The following TTC23 variants were observed in gnomAD, a reference collection of about 807,000 sequenced individuals.
TTC23 encodes the protein tetratricopeptide repeat protein 23.
In TTC23, 58 loss-of-function variants were observed where a neutral mutation model predicts 55.1. That is an observed-to-expected ratio of 1.05 (90% CI 0.85 to 1.31). The LOEUF (loss-of-function observed/expected upper bound fraction) is 1.31. Ranked by LOEUF, TTC23 falls within the 50% of genes most tolerant of loss-of-function variation. TTC23 has a pLI of 0.00. For missense variants in TTC23, 516 were observed against 534.4 expected (o/e 0.97, Z 0.34); for synonymous variants, 203 against 199.9 (o/e 1.02, Z -0.13).
chr15:99,174,688 G>C (rs1289598360), intron 10 of TTC23, among the ~76,000 whole-genome samples: 2 of 152,194 alleles, frequency 1.3e-5, no homozygotes, highest in Admixed American at 1.3e-4. Context: ...CTGGAGGCCG[G>C]CTGGCCCAGA....
At chr15:99,250,577 A>G (rs1198935119), upstream of TTC23, among the ~76,000 whole-genome samples, 1 of 152,216 alleles carries the variant, frequency 6.6e-6, no homozygotes, top group African/African-American at 2.4e-5. Flanking sequence ...AGACACTTTA[A>G]AAAGTGTCTT....
At chr15:99,165,529 G>A (rs1005195596) in intron 10 of TTC23, among the ~76,000 whole-genome samples, 6 of 152,252 alleles carry the variant, frequency 3.9e-5, no homozygotes, top group African/African-American at 1.4e-4. Context: ...CCAGACAGGA[G>A]CAGGAATTGC....
chr15:99,216,450 T>C (rs1029748921), intron 8 of TTC23, among the ~76,000 whole-genome samples: 17 of 151,946 alleles, frequency 1.1e-4, no homozygotes, highest in African/African-American at 3.9e-4. Flanking sequence ...ATAGACAAAA[T>C]TAATAAGCGG....
intron 12 of TTC23, among the ~76,000 whole-genome samples, chr15:99,146,938 G>T (rs8038677): frequency 6.6e-6 from 1 of 152,088 alleles, no homozygotes; most frequent in East Asian, 1.9e-4. Context: ...TTTTTGAGAC[G>T]GAGTCTCGCT....
chr15:99,162,669 C>T (rs1159055898), intron 10 of TTC23, among the ~76,000 whole-genome samples: 1 of 152,168 alleles, frequency 6.6e-6, no homozygotes, highest in East Asian at 1.9e-4. Context: ...TCTAAGGTGA[C>T]CCGTGGCCCT....
At chr15:99,182,492 G>A (rs1310317643) in intron 9 of TTC23, among the ~76,000 whole-genome samples, 8 of 152,190 alleles carry the variant, frequency 5.3e-5, no homozygotes, top group Middle Eastern at 3.4e-3. Flanking sequence ...CTACTGAGTT[G>A]TCTTTTTTAT....
rs111331374 is a variant in TTC23, at chr15:99,139,437, G to A, written c.1144-38C>T. On this transcript the variant is annotated intron_variant, in intron 12 of 13. Coordinates refer to ENST00000394132, the MANE Select transcript of TTC23 (RefSeq NM_001288615.3). ...AAGCAGCTATCATGAGGCTATGGAA[G>A]TGTCGCTGAGAGCAGGAAACTAAGG... 498 of 1,613,682 alleles carry A rather than the reference G, an allele frequency of 3.1e-4. No individual in the cohort carries two copies. The African/African-American group carries it at 5.7e-3, about 19-fold the overall frequency.
rs2067645648 is a variant in TTC23 at position 99,137,046 on chromosome 15, CCA to C, written c.*962_*963del. ...ATAGCACCAGCCTGCAGCCTCATGG[CCA>C]CAGTCTGTGGGACCAGGGGAGGGAG... is the stretch of plus-strand genomic sequence containing the variant. On this transcript the variant is annotated 3_prime_UTR_variant, in exon 14 of 14. Coordinates refer to ENST00000394132, the MANE Select transcript of TTC23 (RefSeq NM_001288615.3). 1.3e-5 allele frequency: 2 copies of C among 152,358 alleles called. No individual in the cohort carries two copies. The highest frequency in any genetic ancestry group is 4.8e-5 in the African/African-American group (2 of 41,446). The allele number at this position is 152,358 out of a possible 1,614,324, so 9.4% of individuals were successfully genotyped here. A position where few individuals can be genotyped will look rare whatever the true frequency, so the allele number is the denominator to read the frequency against.
intron 12 of TTC23, 192 bp from the exon 13 acceptor site, chr15:99,139,591 A>G (rs2067980899): frequency 6.5e-6 from 10 of 1,536,496 alleles, no homozygotes; most frequent in Non-Finnish European, 8.8e-6. Context: ...GCAAAAGTGA[A>G]CAGTTTTAGC....
At chr15:99,238,245 G>A (rs568594239) in intron 3 of TTC23, among the ~76,000 whole-genome samples, 2 of 152,186 alleles carry the variant, frequency 1.3e-5, no homozygotes, top group East Asian at 1.9e-4. Flanking sequence ...CTGGATTACA[G>A]GCATGAGCCA....
intron 13 of TTC23, among the ~76,000 whole-genome samples, chr15:99,138,942 G>C (rs2067881418): frequency 6.6e-6 from 1 of 152,212 alleles, no homozygotes; most frequent in South Asian, 2.1e-4. Flanking sequence ...TTTAAGGTCA[G>C]TCAGTGAACC....
At chr15:99,234,837 T>C (rs567416580) in intron 4 of TTC23, among the ~76,000 whole-genome samples, 151 bp downstream of exon 4, 6 of 152,204 alleles carry the variant, frequency 3.9e-5, no homozygotes, top group East Asian at 3.9e-4. Context: ...AAAAGACTTA[T>C]TGTAGTAAGT....
intron 8 of TTC23, among the ~76,000 whole-genome samples, chr15:99,202,332 T>A (rs545277469): frequency 5.9e-4 from 90 of 152,276 alleles, no homozygotes; most frequent in Non-Finnish European, 1.1e-3. Context: ...AGATGCAGTG[T>A]GCCATTGAAG....
At chr15:99,235,743 G>A (rs1487058973) in intron 3 of TTC23, among the ~76,000 whole-genome samples, 1 of 152,122 alleles carries the variant, frequency 6.6e-6, no homozygotes, top group Non-Finnish European at 1.5e-5. Flanking sequence ...CATTACCACT[G>A]TCCATCTCCA....
chr15:99,159,413 T>A (rs1189603159), intron 11 of TTC23: 1 of 152,256 alleles, frequency 6.6e-6, no homozygotes, highest in African/African-American at 2.4e-5. Flanking sequence ...TACTTACAAA[T>A]ATTTGATGAC....
At chr15:99,196,530 G>A (rs914053593) in intron 9 of TTC23, among the ~76,000 whole-genome samples, 1 of 152,096 alleles carries the variant, frequency 6.6e-6, no homozygotes, top group African/African-American at 2.4e-5. Flanking sequence ...GCCACACAGC[G>A]ACCTAGGCCA....
chr15:99,183,965 C>T (rs2074418876), intron 9 of TTC23, among the ~76,000 whole-genome samples: 1 of 152,068 alleles, frequency 6.6e-6, no homozygotes, highest in Non-Finnish European at 1.5e-5. Flanking sequence ...CTTTTTGCTC[C>T]AGCCATGGCT....
At chr15:99,206,840 G>A (rs1259832920) in intron 8 of TTC23, among the ~76,000 whole-genome samples, 3 of 151,616 alleles carry the variant, frequency 2.0e-5, no homozygotes, top group African/African-American at 2.4e-5. Flanking sequence ...TTTTTTATCC[G>A]AATTTGAGGT....
intron 13 of TTC23, 50 bp downstream of exon 13, chr15:99,139,267 C>A: frequency 6.3e-7 from 1 of 1,591,652 alleles, no homozygotes; most frequent in Non-Finnish European, 8.5e-7. Flanking sequence ...TCTTGAGATT[C>A]TGAATGGAAA....
Sources: allele counts gnomAD v4.1 joint callset (sites outside exome capture counted in the v4.1 genomes callset), GRCh38; gene constraint gnomAD v4.1.1; transcripts MANE v1.5; gene names NCBI Gene and HGNC (gene_info 2026-07-23, HGNC 2026-07-21).